PRDM5: variants seen among roughly 807,000 people sequenced by gnomAD.
PRDM5 encodes the protein PR domain zinc finger protein 5.
PRDM5 carries 56 observed loss-of-function variants against 81.2 expected under a neutral mutation model. The observed-to-expected ratio is 0.69, with a 90% CI of 0.56 to 0.86. The LOEUF (loss-of-function observed/expected upper bound fraction) is 0.86. PRDM5 is among the 40% of genes least tolerant of loss of function. The pLI is 0.00. For missense variants in PRDM5, 697 were observed against 770.1 expected (o/e 0.91, Z 1.12); for synonymous variants, 267 against 256.4 (o/e 1.04, Z -0.39).
At chr4:120,889,817 T>C (rs343171) in intron 2 of PRDM5, among the ~76,000 whole-genome samples, 15,932 of 152,176 alleles carry the variant, frequency 0.1, 1,595 homozygotes, top group African/African-American at 0.26. Context: ...GTGACACATG[T>C]GGTATTTGAT....
At chr4:120,719,855 TA>T (rs944627324) in intron 14 of PRDM5, among the ~76,000 whole-genome samples, 4 of 152,212 alleles carry the variant, frequency 2.6e-5, no homozygotes, top group Non-Finnish European at 5.9e-5. Flanking sequence ...TTCTAAAACT[TA>T]AAAATATCGC....
chr4:120,733,907 A>AC (rs869266579), intron 14 of PRDM5, among the ~76,000 whole-genome samples: 1 of 146,518 alleles, frequency 6.8e-6, no homozygotes, highest in African/African-American at 2.5e-5. Context: ...AAAAAAAAAA[A>AC]CAAAAAAACT....
At chr4:120,800,532 A>AG (rs1751989211) in intron 8 of PRDM5, among the ~76,000 whole-genome samples, 1 of 151,390 alleles carries the variant, frequency 6.6e-6, no homozygotes, top group Non-Finnish European at 1.5e-5. Flanking sequence ...AAAAAAAAAA[A>AG]GTCTCACATG....
intron 14 of PRDM5, among the ~76,000 whole-genome samples, chr4:120,735,663 G>A (rs1003066319): frequency 3.9e-5 from 6 of 152,182 alleles, no homozygotes; most frequent in African/African-American, 1.4e-4. Context: ...GGAGAAAGAG[G>A]GAGACCAAAT....
At chr4:120,757,309 T>A (rs750919538) in intron 13 of PRDM5, among the ~76,000 whole-genome samples, 12 of 152,226 alleles carry the variant, frequency 7.9e-5, no homozygotes, top group Non-Finnish European at 1.5e-4. Flanking sequence ...CTGTTCATCC[T>A]CCATCCAGCT....
rs749900992 is a variant in PRDM5, at chr4:120,907,562, G to C, written c.94-5C>G. Reference sequence around the variant, plus strand: ...AAAGGGTCCGAACTTTTCACCCTGAGTAGCAATGATTATATTGAACAAGGA... The same window carrying C: ...AAAGGGTCCGAACTTTTCACCCTGACTAGCAATGATTATATTGAACAAGGA... On this transcript the variant is annotated splice_region_variant and splice_polypyrimidine_tract_variant and intron_variant, in intron 1 of 15. Transcript: ENST00000264808. 6.3e-7 allele frequency: 1 copy of C among 1,599,810 alleles called. No individual in the cohort carries two copies. The highest frequency in any genetic ancestry group is 1.7e-5 in the Admixed American group (1 of 59,980).
chr4:120,717,225 A>G (rs1737924133), intron 14 of PRDM5, among the ~76,000 whole-genome samples: 1 of 152,212 alleles, frequency 6.6e-6, no homozygotes. Context: ...ACTGACAAAT[A>G]GCTTGTCCTT....
chr4:120,786,353 AC>A (rs1578729374), intron 10 of PRDM5, among the ~76,000 whole-genome samples: 1 of 152,260 alleles, frequency 6.6e-6, no homozygotes, highest in East Asian at 1.9e-4. Context: ...TGTGCTATTT[AC>A]CCAAAGAAAT....
chr4:120,706,061 A>G (rs1217614335), intron 15 of PRDM5, among the ~76,000 whole-genome samples: 1 of 152,050 alleles, frequency 6.6e-6, no homozygotes, highest in African/African-American at 2.4e-5. Context: ...ACTGCTCAGA[A>G]AGATCTGGGT....
At chr4:120,771,431 T>A (rs1456644589) in intron 13 of PRDM5, among the ~76,000 whole-genome samples, 1 of 152,258 alleles carries the variant, frequency 6.6e-6, no homozygotes, top group Non-Finnish European at 1.5e-5. Flanking sequence ...AAAAATATTT[T>A]TTCAACTGAG....
chr4:120,750,085 T>C (rs1333129558), intron 14 of PRDM5, among the ~76,000 whole-genome samples: 2 of 152,080 alleles, frequency 1.3e-5, no homozygotes, highest in Admixed American at 6.5e-5. Context: ...AAGTGGCTAA[T>C]ATGACTGAAA....
chr4:120,884,454 A>G (rs1457817352), intron 2 of PRDM5, among the ~76,000 whole-genome samples: 2 of 152,186 alleles, frequency 1.3e-5, no homozygotes, highest in Non-Finnish European at 2.9e-5. Context: ...CCTACAACTA[A>G]AAACACTTTC....
chr4:120,839,180 T>A, intron 3 of PRDM5: 1 of 698,950 alleles, frequency 1.4e-6, no homozygotes, highest in South Asian at 1.5e-5. Context: ...TCTCCTTCTC[T>A]TCACTCGCAA....
intron 8 of PRDM5, among the ~76,000 whole-genome samples, chr4:120,810,041 A>T (rs6846000): frequency 0.77 from 117,635 of 152,020 alleles, 45,753 homozygotes; most frequent in East Asian, 0.87. Flanking sequence ...AGTTTTATAA[A>T]TATTTCATTA....
At chr4:120,877,359 A>C (rs1247395602) in intron 2 of PRDM5, among the ~76,000 whole-genome samples, 1 of 152,252 alleles carries the variant, frequency 6.6e-6, no homozygotes, top group African/African-American at 2.4e-5. Flanking sequence ...TAATCAAAGT[A>C]ACACTTATTT....
At chr4:120,835,760 A>T (rs568714821) in intron 3 of PRDM5, among the ~76,000 whole-genome samples, 1 of 152,256 alleles carries the variant, frequency 6.6e-6, no homozygotes, top group East Asian at 1.9e-4. Context: ...AGACTAATAC[A>T]AAAGGAAAGG....
chr4:120,777,650 T>C (rs1335539805), intron 12 of PRDM5, among the ~76,000 whole-genome samples: 1 of 152,162 alleles, frequency 6.6e-6, no homozygotes, highest in Non-Finnish European at 1.5e-5. Flanking sequence ...GAAGCATTTT[T>C]CACATTCTTT....
intron 14 of PRDM5, among the ~76,000 whole-genome samples, chr4:120,721,651 C>A (rs1738623002): frequency 1.3e-5 from 2 of 152,198 alleles, no homozygotes; most frequent in African/African-American, 4.8e-5. Flanking sequence ...AGCAATGCTG[C>A]AAATTTGCTA....
At chr4:120,731,151 G>A (rs777966942) in intron 14 of PRDM5, among the ~76,000 whole-genome samples, 12 of 152,234 alleles carry the variant, frequency 7.9e-5, no homozygotes, top group African/African-American at 2.2e-4. Flanking sequence ...ATTTCCCACC[G>A]TGTGCTAGGC....
Sources: gnomAD v4.1 joint callset for allele counts (sites outside exome capture counted in the v4.1 genomes callset) on GRCh38, gnomAD v4.1.1 for gene constraint, MANE v1.5 for transcripts, NCBI Gene and HGNC (gene_info 2026-07-23, HGNC 2026-07-21) for gene names.